Variants in EPB41L4B observed in about 807,000 individuals in gnomAD.
EPB41L4B encodes the protein erythrocyte membrane protein band 4.1 like 4B.
Under a neutral mutation model 112.5 loss-of-function variants are expected in EPB41L4B, and 30 were observed. The observed-to-expected ratio is 0.27, with a 90% CI of 0.20 to 0.36. EPB41L4B has a LOEUF of 0.36. Ranked by LOEUF, EPB41L4B falls within the 10% of genes least tolerant of loss-of-function variation. EPB41L4B has a pLI of 1.00. For synonymous variants in EPB41L4B, 408 were observed against 439.7 expected, an observed-to-expected ratio of 0.93 and a Z score of 0.90; for missense variants, 1,024 against 1,133.3, an observed-to-expected ratio of 0.90 and a Z score of 1.38.
chr9:109,267,701 C>G (rs1485155364), intron 3 of EPB41L4B, 150 bp from the exon 4 acceptor site: 2 of 585,326 alleles, frequency 3.4e-6, no homozygotes, highest in Admixed American at 6.3e-5. Flanking sequence ...CAATTCTTTT[C>G]AGTCCTCATC....
chr9:109,262,808 C>T (rs1835264092), intron 6 of EPB41L4B, among the ~76,000 whole-genome samples: 1 of 152,164 alleles, frequency 6.6e-6, no homozygotes, highest in Non-Finnish European at 1.5e-5. Flanking sequence ...TCTTCTCATC[C>T]CCACAATGGG....
In EPB41L4B at chr9:109,243,677, T is replaced by C; in HGVS notation, c.1350A>G (p.Gln450=). 4 of 1,614,136 alleles carry C rather than the reference T, an allele frequency of 2.5e-6. No individual in the cohort carries two copies. Among genetic ancestry groups the C allele is most frequent in the Admixed American group, 3.3e-5 (2 of 60,024 alleles). ...GGCTGGGATGGATATTAGGATGATA[T>C]TGAGGCTAGAAATAAAACACCAAAC... ...TNPEVHNYQP[Q]YHPNIHPSQP... Residue 450 remains glutamine, a synonymous_variant, in exon 15 of 26, where the codon CAA becomes CAG. Transcript: ENST00000374566.
intron 23 of EPB41L4B, among the ~76,000 whole-genome samples, chr9:109,184,621 C>T (rs1025774431): frequency 1.3e-5 from 2 of 152,238 alleles, no homozygotes; most frequent in Non-Finnish European, 2.9e-5. Flanking sequence ...TCAACAATTA[C>T]ACTCTGTGTT....
At chr9:109,260,710 C>T (rs943181929) in intron 6 of EPB41L4B, among the ~76,000 whole-genome samples, 3 of 152,150 alleles carry the variant, frequency 2.0e-5, no homozygotes, top group African/African-American at 2.4e-5. Flanking sequence ...CCATCGCGCC[C>T]GGCCAACAAT....
At chr9:109,267,687 T>C (rs1835458866) in intron 3 of EPB41L4B, 136 bp from the exon 4 acceptor site, 2 of 599,714 alleles carry the variant, frequency 3.3e-6, no homozygotes. Flanking sequence ...CACGCGACAC[T>C]AGCCAATTCT....
At chr9:109,297,480 T>C (rs897578060) in intron 1 of EPB41L4B, among the ~76,000 whole-genome samples, 1 of 152,176 alleles carries the variant, frequency 6.6e-6, no homozygotes, top group Non-Finnish European at 1.5e-5. Context: ...TTGTTTTCTG[T>C]CTGTGAACGG....
chr9:109,183,276 A>T (rs1426729535), intron 23 of EPB41L4B, among the ~76,000 whole-genome samples: 7 of 152,152 alleles, frequency 4.6e-5, no homozygotes, highest in Non-Finnish European at 1.0e-4. Context: ...GGCTGGGCTA[A>T]TTAAGCTAGA....
At chr9:109,286,468 A>T (rs184956212) in intron 1 of EPB41L4B, among the ~76,000 whole-genome samples, 163 of 152,346 alleles carry the variant, frequency 1.1e-3, no homozygotes, top group African/African-American at 3.8e-3. Flanking sequence ...TTACCTAAGC[A>T]TAATTTTGTT....
At chr9:109,263,581 A>G (rs1224513560) in intron 5 of EPB41L4B, among the ~76,000 whole-genome samples, 1 of 152,264 alleles carries the variant, frequency 6.6e-6, no homozygotes, top group Non-Finnish European at 1.5e-5. Flanking sequence ...TTCTAAGTCT[A>G]TCTAAGGCAC....
intron 21 of EPB41L4B, among the ~76,000 whole-genome samples, chr9:109,193,003 G>A (rs576846416): frequency 1.3e-5 from 2 of 152,274 alleles, no homozygotes; most frequent in Admixed American, 1.3e-4. Flanking sequence ...CTTCTGTTTC[G>A]TAAATGTTTC....
chr9:109,294,969 G>A (rs951647056), intron 1 of EPB41L4B, among the ~76,000 whole-genome samples: 2 of 152,212 alleles, frequency 1.3e-5, no homozygotes, highest in Non-Finnish European at 2.9e-5. Context: ...GTCACTGGGT[G>A]AAGAGTCTGA....
chr9:109,252,402 G>A (rs1353913357), intron 12 of EPB41L4B, among the ~76,000 whole-genome samples: 2 of 152,106 alleles, frequency 1.3e-5, no homozygotes, highest in Admixed American at 6.5e-5. Flanking sequence ...TCAACCCATC[G>A]CCCTTCTCTG....
At chr9:109,293,717 A>AAAAC (rs1554763155) in intron 1 of EPB41L4B, among the ~76,000 whole-genome samples, 6 of 143,602 alleles carry the variant, frequency 4.2e-5, no homozygotes, top group Non-Finnish European at 7.6e-5. Flanking sequence ...AAAAAAAAAA[A>AAAAC]AAACATAAAC....
intron 20 of EPB41L4B, among the ~76,000 whole-genome samples, chr9:109,197,589 C>T (rs1832684455): frequency 6.6e-6 from 1 of 152,050 alleles, no homozygotes; most frequent in Non-Finnish European, 1.5e-5. Context: ...ATTTTCAAAG[C>T]AGAATACTTT....
intron 1 of EPB41L4B, among the ~76,000 whole-genome samples, chr9:109,317,730 G>A (rs1310954968): frequency 6.6e-6 from 1 of 152,196 alleles, no homozygotes; most frequent in East Asian, 1.9e-4. Context: ...AGCCAGCTTG[G>A]GGTATCACGG....
At chr9:109,278,580 T>C (rs937433570) in intron 2 of EPB41L4B, among the ~76,000 whole-genome samples, 2 of 152,126 alleles carry the variant, frequency 1.3e-5, no homozygotes, top group Non-Finnish European at 2.9e-5. Context: ...TAGACAGCCT[T>C]AACCATTATG....
chr9:109,192,222 C>A (rs917607905), intron 22 of EPB41L4B, 56 bp downstream of exon 22: 1 of 1,423,090 alleles, frequency 7.0e-7, no homozygotes, highest in African/African-American at 1.4e-5. Context: ...CGTCCCACTG[C>A]CAAGATGTTT....
chr9:109,178,002 C>T (rs534360925), intron 24 of EPB41L4B, among the ~76,000 whole-genome samples: 6 of 151,260 alleles, frequency 4.0e-5, no homozygotes, highest in Admixed American at 3.9e-4. Flanking sequence ...TCGCTGCAGC[C>T]TCAACCTCCT....
chr9:109,287,790 T>TG (rs1472244942), intron 1 of EPB41L4B, among the ~76,000 whole-genome samples: 1 of 152,018 alleles, frequency 6.6e-6, no homozygotes, highest in East Asian at 1.9e-4. Context: ...TACTCCACTA[T>TG]GGGGTCCCAC....
Sources: allele counts gnomAD v4.1 joint callset (sites outside exome capture counted in the v4.1 genomes callset), GRCh38; gene constraint gnomAD v4.1.1; transcripts MANE v1.5; gene names NCBI Gene and HGNC (gene_info 2026-07-23, HGNC 2026-07-21).